The following PDE1A variants were observed in gnomAD, a reference collection of about 807,000 sequenced individuals.
PDE1A encodes the protein phosphodiesterase 1A.
PDE1A carries 35 observed loss-of-function variants against 61.7 expected under a neutral mutation model. That is an observed-to-expected ratio of 0.57 (90% CI 0.43 to 0.75). PDE1A has a LOEUF of 0.75. PDE1A is among the 30% of genes least tolerant of loss of function. PDE1A has a pLI of 0.00. For missense variants in PDE1A, 597 were observed against 630.6 expected, an observed-to-expected ratio of 0.95 and a Z score of 0.57; for synonymous variants, 232 against 213.2, an observed-to-expected ratio of 1.09 and a Z score of -0.77.
intron 13 of PDE1A, among the ~76,000 whole-genome samples, chr2:182,149,984 A>G (rs937614845): frequency 6.6e-6 from 1 of 152,174 alleles, no homozygotes; most frequent in Non-Finnish European, 1.5e-5. Context: ...GTGATGTGCT[A>G]TAGTGTTATA....
At chr2:182,382,385 A>T (rs926875562) in intron 1 of PDE1A, among the ~76,000 whole-genome samples, 2 of 152,376 alleles carry the variant, frequency 1.3e-5, no homozygotes, top group East Asian at 3.9e-4. Context: ...GTAGCCCCTG[A>T]CTAACAACCA....
At chr2:182,618,822 G>A in the PDE1A span, among the ~76,000 whole-genome samples, 54 of 152,264 alleles carry the variant, frequency 3.5e-4, no homozygotes, top group African/African-American at 1.3e-3. Flanking sequence ...CTGGCACAGA[G>A]CACAAGCCTG....
intron 1 of PDE1A, among the ~76,000 whole-genome samples, chr2:182,402,412 C>T (rs1294965467): frequency 1.3e-5 from 2 of 152,170 alleles, no homozygotes; most frequent in African/African-American, 4.8e-5. Flanking sequence ...CTGACAAAAA[C>T]AAGCAATGGG....
intron 1 of PDE1A, among the ~76,000 whole-genome samples, chr2:182,356,524 C>A (rs116389707): frequency 6.6e-6 from 1 of 151,886 alleles, no homozygotes; most frequent in Non-Finnish European, 1.5e-5. Context: ...CCGAAGCAGG[C>A]GGATCACTGG....
At chr2:182,474,062 A>G (rs1448056889) in intron 2 of PDE1A, among the ~76,000 whole-genome samples, 1 of 152,036 alleles carries the variant, frequency 6.6e-6, no homozygotes, top group African/African-American at 2.4e-5. Context: ...AGGTATCACC[A>G]CGCTGTCTTC....
intron 3 of PDE1A, among the ~76,000 whole-genome samples, chr2:182,238,503 G>A (rs563943811): frequency 3.5e-4 from 53 of 152,134 alleles, no homozygotes; most frequent in African/African-American, 1.2e-3. Context: ...AATTGCCAGG[G>A]CTTGCCAGGG....
chr2:182,183,745 T>C (rs983490879), intron 13 of PDE1A, among the ~76,000 whole-genome samples: 1 of 151,918 alleles, frequency 6.6e-6, no homozygotes, highest in Admixed American at 6.6e-5. Flanking sequence ...GAAAATAATC[T>C]TGAAGAATTA....
rs182488588 is a variant in PDE1A, at chr2:182,230,919, A to G, written c.534+96T>C. ...TGTGACCTGCTAACTAAAACATCCTAAAATGAATTGCTTAATTACTCAAAT... is the reference window on the plus strand; with the variant it reads ...TGTGACCTGCTAACTAAAACATCCTGAAATGAATTGCTTAATTACTCAAAT... On this transcript the variant is annotated intron_variant, in intron 5 of 13. Coordinates refer to ENST00000351439, the Ensembl canonical transcript of PDE1A. The G allele has an allele frequency of 8.2e-4, 567 of 694,618 alleles. 5 individuals carry two copies. Among genetic ancestry groups the G allele is most frequent in the Non-Finnish European group, 2.5e-5 (10 of 396,438 alleles). The allele number at this position is 694,618 out of a possible 1,614,324, so 43.0% of individuals were successfully genotyped here.
chr2:182,716,267 C>A, the PDE1A span: 2 of 152,416 alleles, frequency 1.3e-5, no homozygotes, highest in Non-Finnish European at 2.9e-5. Flanking sequence ...CCCGGCTCGC[C>A]GTGGAGACCG....
chr2:182,528,452 A>C, the PDE1A span, among the ~76,000 whole-genome samples: 2 of 152,372 alleles, frequency 1.3e-5, no homozygotes, highest in South Asian at 4.1e-4. Context: ...TACTGTTAAA[A>C]GCATTCAGTT....
intron 1 of PDE1A, among the ~76,000 whole-genome samples, chr2:182,405,210 T>C (rs1702235194): frequency 6.6e-6 from 1 of 152,204 alleles, no homozygotes; most frequent in Admixed American, 6.5e-5. Context: ...CGTACATATA[T>C]GACTCAGTGG....
In PDE1A at chr2:182,515,954, C is replaced by CTGTGTG. The variant is rs201729102; in HGVS notation, c.101+6316_101+6321dup. Among the ~76,000 whole-genome samples the CTGTGTG allele has an allele frequency of 7.5e-3, 980 of 130,454 alleles. 11 individuals are homozygous for CTGTGTG. The highest frequency in any genetic ancestry group is 0.013 in the Middle Eastern group (3 of 228). 85.6% of individuals were successfully genotyped at this position (130,454 alleles called of 152,430 possible). ...AGGGATTGTGCGTGTGTGTGTGTTT[C>CTGTGTG]TGTGTGTGTGTGTGTGTGTGTGTGT... is the stretch of plus-strand genomic sequence containing the variant. On this transcript the variant is annotated intron_variant, in intron 2 of 14. Transcript: ENST00000410103.
At chr2:182,470,673 T>A (rs1300643439) in intron 2 of PDE1A, among the ~76,000 whole-genome samples, 1 of 151,792 alleles carries the variant, frequency 6.6e-6, no homozygotes, top group Non-Finnish European at 1.5e-5. Context: ...TACATTGAGA[T>A]CTTAAGAATG....
At chr2:182,490,778 T>C (rs1688333335) in intron 2 of PDE1A, among the ~76,000 whole-genome samples, 2 of 152,206 alleles carry the variant, frequency 1.3e-5, no homozygotes, top group African/African-American at 4.8e-5. Context: ...GGCACAATTT[T>C]AAGAGTGATG....
chr2:182,200,524 C>T (rs571918785), intron 10 of PDE1A, among the ~76,000 whole-genome samples: 1 of 152,214 alleles, frequency 6.6e-6, no homozygotes, highest in Non-Finnish European at 1.5e-5. Flanking sequence ...TCGCTAACTC[C>T]ACTGGAAATA....
intron 10 of PDE1A, among the ~76,000 whole-genome samples, chr2:182,199,519 C>T (rs963167998): frequency 6.6e-6 from 1 of 151,956 alleles, no homozygotes; most frequent in Non-Finnish European, 1.5e-5. Flanking sequence ...CAAAATCATT[C>T]AACTTAAGAT....
the PDE1A span, among the ~76,000 whole-genome samples, chr2:182,713,756 G>C: frequency 1.3e-5 from 2 of 152,080 alleles, no homozygotes; most frequent in African/African-American, 4.8e-5. Context: ...TTATGAACTT[G>C]CTCAAGCCTT....
chr2:182,508,294 A>G (rs550639660), intron 2 of PDE1A, among the ~76,000 whole-genome samples: 2 of 152,130 alleles, frequency 1.3e-5, no homozygotes, highest in South Asian at 4.2e-4. Flanking sequence ...TCAACGGTGA[A>G]AAGCCTAAAA....
chr2:182,319,055 A>G (rs190595040), intron 1 of PDE1A, among the ~76,000 whole-genome samples: 242 of 152,238 alleles, frequency 1.6e-3, no homozygotes, highest in Admixed American at 3.8e-3. Flanking sequence ...TGAAAATGCA[A>G]GATTATTTCT....
Sources: allele counts gnomAD v4.1 joint callset (sites outside exome capture counted in the v4.1 genomes callset), GRCh38; gene constraint gnomAD v4.1.1; transcripts MANE v1.5; gene names NCBI Gene and HGNC (gene_info 2026-07-23, HGNC 2026-07-21).